Variants in DNAH7 observed in about 807,000 individuals in gnomAD.
The protein encoded by DNAH7 is axonemal beta dynein heavy chain 7.
DNAH7 carries 397 observed loss-of-function variants against 444.6 expected under a neutral mutation model. The ratio of observed to expected loss-of-function variants is 0.89; its 90% CI spans 0.82 to 0.97. The LOEUF (loss-of-function observed/expected upper bound fraction) is 0.97. Ranked by LOEUF, DNAH7 falls within the 50% of genes least tolerant of loss-of-function variation. The pLI is 0.00. For missense variants in DNAH7, 4,902 were observed against 4,800.8 expected (o/e 1.02, Z -0.62); for synonymous variants, 1,636 against 1,624.4 (o/e 1.01, Z -0.17).
chr2:195,976,747 C>CAGAGAG (rs60653466), intron 15 of DNAH7, among the ~76,000 whole-genome samples: 8,448 of 90,320 alleles, frequency 0.094, 716 homozygotes, highest in Middle Eastern at 0.16. Context: ...GAGAGGCAGA[C>CAGAGAG]AGAGAGAGAG....
chr2:195,992,370 CTTTG>C (rs899313020), intron 12 of DNAH7, among the ~76,000 whole-genome samples: 5 of 152,296 alleles, frequency 3.3e-5, no homozygotes, highest in South Asian at 4.2e-4. Context: ...TAGTCTTCAC[CTTTG>C]TTTTTTTCCC....
intron 21 of DNAH7, among the ~76,000 whole-genome samples, chr2:195,929,664 A>G (rs892281175): frequency 6.6e-6 from 1 of 152,254 alleles, no homozygotes; most frequent in African/African-American, 2.4e-5. Flanking sequence ...ATAGCTGGCT[A>G]GCCATATGAA....
At chr2:195,812,563 ATAAC>A (rs147432923) in intron 51 of DNAH7, among the ~76,000 whole-genome samples, 9,195 of 152,244 alleles carry the variant, frequency 0.06, 364 homozygotes, top group African/African-American at 0.12. Context: ...AATCTTATAA[ATAAC>A]AGATGATCCA....
chr2:195,757,425 T>C (rs1002966368), intron 61 of DNAH7, among the ~76,000 whole-genome samples: 1 of 152,226 alleles, frequency 6.6e-6, no homozygotes, highest in East Asian at 1.9e-4. Flanking sequence ...TCCTGCTTAT[T>C]TGACTTTTAA....
chr2:195,890,122 C>T (rs147146438), intron 31 of DNAH7, among the ~76,000 whole-genome samples: 1 of 152,172 alleles, frequency 6.6e-6, no homozygotes. Flanking sequence ...CATATTAGCA[C>T]GTTCTCAGTC....
rs754331300 is a variant in DNAH7 at position 195,960,450 on chromosome 2, G to C, written c.2701C>G (p.Leu901Val). 1 of 1,614,162 alleles carries C rather than the reference G, an allele frequency of 6.2e-7. No homozygotes were observed. Among genetic ancestry groups the C allele is most frequent in the Non-Finnish European group, 8.5e-7 (1 of 1,180,014 alleles). The change falls in exon 18 of 65, where the codon CTT (leucine) becomes GTT (valine). Residue 901 changes from leucine (L) to valine (V), a missense_variant. By Grantham distance (32) the Leu-to-Val change is conservative. Coordinates refer to ENST00000312428, the MANE Select transcript of DNAH7 (RefSeq NM_018897.3). ...ISEAASKEYSLEKAMEKMITE... is the reference protein window; with the variant it reads ...ISEAASKEYSVEKAMEKMITE... ...ATCATCTTCTCCATCGCCTTTTCAA[G>C]AGAATATTCTTTGCTAGCTGCTTCA... is the stretch of plus-strand genomic sequence containing the variant.
chr2:195,976,069 T>C (rs996662790), intron 15 of DNAH7, among the ~76,000 whole-genome samples: 1 of 152,208 alleles, frequency 6.6e-6, no homozygotes, highest in Non-Finnish European at 1.5e-5. Flanking sequence ...TCTTGCAGTT[T>C]AGATACCTCA....
intron 35 of DNAH7, among the ~76,000 whole-genome samples, chr2:195,883,519 G>A (rs950845259): frequency 3.3e-5 from 5 of 151,290 alleles, no homozygotes; most frequent in African/African-American, 9.8e-5. Flanking sequence ...GTGTGATGCT[G>A]GGACAATCAC....
rs1301653743 is a variant in DNAH7 at position 195,947,139 on chromosome 2, AC to A, written c.3078+10121del. ...AATTATAATTATATATTATATATCT[AC>A]ATAATTATATATTATTTTTATATAT... On this transcript the variant is annotated intron_variant, in intron 19 of 64. Coordinates refer to ENST00000312428, the MANE Select transcript of DNAH7 (RefSeq NM_018897.3). Among the ~76,000 whole-genome samples the A allele has an allele frequency of 2.3e-4, 34 of 147,984 alleles. 1 individual carries two copies. The highest frequency in any genetic ancestry group is 8.1e-4 in the African/African-American group (33 of 40,836).
Position 196,068,703 on chromosome 2 carries a change from A to G in DNAH7, c.9T>C (p.Ser3=). The change falls in exon 1 of 65, where the codon AGT becomes AGC. Residue 3 remains serine, a synonymous_variant. Transcript: ENST00000312428. Reference sequence around the variant, plus strand: ...CAAAGAGCAGCCCTCTCACCTGCTCACTGCTCATGGCTGCGAGGACGCGCT... The same window carrying G: ...CAAAGAGCAGCCCTCTCACCTGCTCGCTGCTCATGGCTGCGAGGACGCGCT... The part of the protein sequence containing the change: MS[S]EQDKSASKEK... 3 of 1,551,594 alleles carry G rather than the reference A, an allele frequency of 1.9e-6. No homozygotes were observed. The highest frequency in any genetic ancestry group is 1.7e-6 in the Non-Finnish European group (2 of 1,147,350).
intron 24 of DNAH7, among the ~76,000 whole-genome samples, chr2:195,917,094 T>A: frequency 1.1e-5 from 1 of 91,832 alleles, no homozygotes; most frequent in African/African-American, 5.0e-5. Context: ...AGAGTGAGAC[T>A]CCACCTCAAA....
At position 196,058,103 on chromosome 2, in the gene DNAH7, C is replaced by A. The variant is rs1282775548; in HGVS notation, c.29G>T (p.Ser10Ile). The A allele has an allele frequency of 6.3e-7, 1 of 1,587,422 alleles. No homozygotes were observed. Among genetic ancestry groups the A allele is most frequent in the Admixed American group, 1.8e-5 (1 of 55,816 alleles). Residue 10 changes from serine to isoleucine, a missense_variant, in exon 2 of 65, where the codon AGC (serine) becomes ATC (isoleucine). Ser to Ile is a moderately radical substitution (Grantham distance 142). Coordinates refer to ENST00000312428, the MANE Select transcript of DNAH7 (RefSeq NM_018897.3). The part of the protein sequence containing the change: MSSEQDKSA[S>I]KEKSKKPVRF... ...TACTGGTTTCTTGGATTTTTCTTTGCTGGCCGATTTATCCTGTATGAAAAA... is the reference window on the plus strand; with the variant it reads ...TACTGGTTTCTTGGATTTTTCTTTGATGGCCGATTTATCCTGTATGAAAAA...
rs569803681 is a variant in DNAH7 at position 195,931,428 on chromosome 2, G to T, written c.3471+3163C>A. On this transcript the variant is annotated intron_variant, in intron 21 of 64. Coordinates refer to ENST00000312428, the MANE Select transcript of DNAH7 (RefSeq NM_018897.3). ...CTGTGCAGAAGCTCTTTAGTTTAAT[G>T]AGATCCCATTTGTCAATTTTGGCTT... is the stretch of plus-strand genomic sequence containing the variant. 2.2e-3 allele frequency among the ~76,000 whole-genome samples: 332 copies of T among 151,730 alleles called. 1 individual carries two copies. Among genetic ancestry groups the T allele is most frequent in the African/African-American group, 7.3e-3 (302 of 41,282 alleles).
intron 7 of DNAH7, among the ~76,000 whole-genome samples, chr2:196,026,462 G>A (rs993906665): frequency 6.6e-6 from 1 of 152,154 alleles, no homozygotes; most frequent in Non-Finnish European, 1.5e-5. Context: ...AATGCCTAAT[G>A]CCTCGCATAA....
chr2:195,744,411 C>T (rs1161717392), intron 63 of DNAH7, among the ~76,000 whole-genome samples: 1 of 152,218 alleles, frequency 6.6e-6, no homozygotes, highest in Non-Finnish European at 1.5e-5. Flanking sequence ...CTGCCTACCT[C>T]TGGGGGCAGG....
intron 58 of DNAH7, among the ~76,000 whole-genome samples, chr2:195,785,158 G>A (rs1695557567): frequency 6.6e-6 from 1 of 152,146 alleles, no homozygotes; most frequent in African/African-American, 2.4e-5. Flanking sequence ...TGATCTGCCT[G>A]CCTTGGCCTC....
intron 25 of DNAH7, among the ~76,000 whole-genome samples, chr2:195,907,947 G>A (rs1017186133): frequency 2.0e-5 from 3 of 151,844 alleles, no homozygotes; most frequent in African/African-American, 7.3e-5. Context: ...TCATATTCAA[G>A]CAGTTATATA....
At chr2:196,017,448 T>C (rs1695101498) in intron 9 of DNAH7, among the ~76,000 whole-genome samples, 1 of 152,064 alleles carries the variant, frequency 6.6e-6, no homozygotes, top group African/African-American at 2.4e-5. Context: ...GGCTTAAACT[T>C]AAGAAGGAAA....
intron 24 of DNAH7, among the ~76,000 whole-genome samples, chr2:195,915,964 T>C (rs1399365997): frequency 6.6e-6 from 1 of 152,228 alleles, no homozygotes; most frequent in Non-Finnish European, 1.5e-5. Context: ...TTAGGTGCTC[T>C]GAAAGGAAGA....
Sources: allele counts gnomAD v4.1 joint callset (sites outside exome capture counted in the v4.1 genomes callset), GRCh38; gene constraint gnomAD v4.1.1; transcripts MANE v1.5; gene names NCBI Gene and HGNC (gene_info 2026-07-23, HGNC 2026-07-21).